The following LHFPL4 variants were observed in gnomAD, a reference collection of about 807,000 sequenced individuals.
LHFPL4 encodes LHFPL tetraspan subfamily member 4 protein.
In LHFPL4, 6 loss-of-function variants were observed where a neutral mutation model predicts 20.0. The observed-to-expected ratio is 0.30, with a 90% confidence interval of 0.16 to 0.59. The LOEUF is 0.59. LHFPL4 is among the 20% of genes least tolerant of loss of function. LHFPL4 has a pLI of 0.88. For synonymous variants in LHFPL4, 129 were observed against 143.8 expected (o/e 0.90, Z 0.74); for missense variants, 215 against 331.2 (o/e 0.65, Z 2.72).
At chr3:9,529,500 A>T (rs1160294005) in intron 2 of LHFPL4, among the ~76,000 whole-genome samples, 2 of 152,348 alleles carry the variant, frequency 1.3e-5, no homozygotes, top group Non-Finnish European at 2.9e-5. Context: ...TCCTTGACTC[A>T]TGGGCTACAG....
intron 2 of LHFPL4, among the ~76,000 whole-genome samples, chr3:9,544,812 T>C (rs927039378): frequency 6.6e-6 from 1 of 152,184 alleles, no homozygotes; most frequent in Non-Finnish European, 1.5e-5. Context: ...CCTGTTCCTC[T>C]TTCCTACCCA....
chr3:9,542,593 G>A (rs960935034), intron 2 of LHFPL4, among the ~76,000 whole-genome samples: 1 of 152,034 alleles, frequency 6.6e-6, no homozygotes, highest in South Asian at 2.1e-4. Flanking sequence ...GATTGCTTGA[G>A]TTCAAGAGTT....
In LHFPL4 at chr3:9,506,156, C is replaced by T; in HGVS notation, c.454G>A (p.Ala152Thr). 6.2e-7 allele frequency: 1 copy of T among 1,614,188 alleles called. No homozygotes were observed. Among genetic ancestry groups the T allele is most frequent in the Non-Finnish European group, 8.5e-7 (1 of 1,180,046 alleles). The change falls in exon 3 of 4, where the codon GCC becomes ACC. Residue 152 changes from alanine to threonine, a missense_variant. Physicochemically the swap from Ala to Thr is moderately conservative, Grantham distance 58 (BLOSUM62 0). Coordinates refer to ENST00000287585, the MANE Select transcript of LHFPL4 (RefSeq NM_198560.3). The surrounding 1 kb of genome is among the most constrained non-coding windows in gnomAD (Gnocchi z 4.5). The stretch of plus-strand genomic sequence containing the variant: ...CCACACATGTCCCGGATGGTCTCGG[C>T]ATCCCAGCCATCAGGAAAGATCATG... ...GCMIFPDGWD[A>T]ETIRDMCGAK...
chr3:9,509,669 C>A (rs2046244388), intron 2 of LHFPL4, among the ~76,000 whole-genome samples: 1 of 152,218 alleles, frequency 6.6e-6, no homozygotes, highest in Non-Finnish European at 1.5e-5. Flanking sequence ...GGGGCACTCA[C>A]GCTGCAGGGT....
chr3:9,504,789 C>T (rs1288473768), intron 3 of LHFPL4, among the ~76,000 whole-genome samples: 3 of 149,144 alleles, frequency 2.0e-5, no homozygotes, highest in Admixed American at 6.7e-5. Flanking sequence ...CGCGCCACTG[C>T]ACTCCAGCCT....
intron 2 of LHFPL4, among the ~76,000 whole-genome samples, chr3:9,510,384 C>T (rs1377807588): frequency 1.3e-5 from 2 of 149,508 alleles, no homozygotes; most frequent in African/African-American, 2.5e-5. Context: ...CTGCTGTGAG[C>T]CAAAATTGCA....
chr3:9,533,165 G>A (rs2046421394), intron 2 of LHFPL4, among the ~76,000 whole-genome samples: 1 of 152,160 alleles, frequency 6.6e-6, no homozygotes, highest in African/African-American at 2.4e-5. Flanking sequence ...CATCTGCTGG[G>A]GCTGAACCCA....
intron 3 of LHFPL4, among the ~76,000 whole-genome samples, chr3:9,505,046 A>G (rs540902192): frequency 6.6e-6 from 1 of 151,946 alleles, no homozygotes; most frequent in East Asian, 1.9e-4. Context: ...TGATGTGAAC[A>G]TGTCACGTGT....
chr3:9,549,351 C>T (rs956656400), intron 2 of LHFPL4, among the ~76,000 whole-genome samples: 10 of 152,132 alleles, frequency 6.6e-5, no homozygotes, highest in African/African-American at 2.4e-4. Flanking sequence ...TGTATTTTCC[C>T]AATGCCCCCA....
At chr3:9,548,847 C>T (rs988841958) in intron 2 of LHFPL4, among the ~76,000 whole-genome samples, 2 of 152,102 alleles carry the variant, frequency 1.3e-5, no homozygotes, top group African/African-American at 4.8e-5. Context: ...CTGGCTCAGC[C>T]CTGGAACGTT....
intron 3 of LHFPL4, among the ~76,000 whole-genome samples, chr3:9,504,332 C>T (rs1402873461): frequency 1.3e-5 from 2 of 149,414 alleles, no homozygotes; most frequent in Non-Finnish European, 3.0e-5. Flanking sequence ...GAGCCGAGAC[C>T]GTGCCACTGC....
intron 2 of LHFPL4, among the ~76,000 whole-genome samples, chr3:9,524,603 C>T (rs999710169): frequency 3.9e-5 from 6 of 152,110 alleles, no homozygotes; most frequent in African/African-American, 1.4e-4. Context: ...ATTTTTGGTC[C>T]TCTCTTAGTA....
At chr3:9,530,205 A>T (rs1376720228) in intron 2 of LHFPL4, among the ~76,000 whole-genome samples, 2 of 152,114 alleles carry the variant, frequency 1.3e-5, no homozygotes, top group Non-Finnish European at 2.9e-5. Context: ...TCTCCTCTCT[A>T]GCTATAAAAG....
intron 2 of LHFPL4, among the ~76,000 whole-genome samples, chr3:9,513,117 T>A (rs1046033806): frequency 2.0e-5 from 3 of 151,676 alleles, no homozygotes; most frequent in Non-Finnish European, 2.9e-5. Flanking sequence ...CCGCCACTAC[T>A]CCCGGCTAAT....
At chr3:9,522,435 A>G (rs2046344131) in intron 2 of LHFPL4, among the ~76,000 whole-genome samples, 2 of 152,080 alleles carry the variant, frequency 1.3e-5, no homozygotes, top group Non-Finnish European at 2.9e-5. Flanking sequence ...CTGTTAGATC[A>G]ATTATGCATA....
At chr3:9,541,308 A>G (rs114903461) in intron 2 of LHFPL4, among the ~76,000 whole-genome samples, 6,541 of 152,336 alleles carry the variant, frequency 0.043, 179 homozygotes, top group Non-Finnish European at 0.061. Flanking sequence ...ATGGAATAGA[A>G]TTGAGAGTCT....
At chr3:9,549,738 G>A (rs2648393) in intron 2 of LHFPL4, among the ~76,000 whole-genome samples, 1 of 151,856 alleles carries the variant, frequency 6.6e-6, no homozygotes, top group African/African-American at 2.4e-5. Context: ...AATCATATGA[G>A]AGGCACTTTA....
Position 9,502,095 on chromosome 3 carries a change from G to A in LHFPL4, c.*116C>T, listed in dbSNP as rs1165164954. The A allele has an allele frequency of 1.2e-5, 9 of 753,544 alleles. No homozygotes were observed. Among genetic ancestry groups the A allele is most frequent in the South Asian group, 9.6e-5 (6 of 62,702 alleles). 46.7% of individuals were successfully genotyped at this position (753,544 alleles called of 1,614,324 possible). A position where few individuals can be genotyped will look rare whatever the true frequency, so the allele number is the denominator to read the frequency against. Reference sequence around the variant, plus strand: ...AAAGCCTGGAGCTTGCAGGGTAGTCGGTGAGAAGTAAGTCTGAGATCAGGG... The same window carrying A: ...AAAGCCTGGAGCTTGCAGGGTAGTCAGTGAGAAGTAAGTCTGAGATCAGGG... On this transcript the variant is annotated 3_prime_UTR_variant, in exon 4 of 4. Transcript: ENST00000287585.
At chr3:9,550,050 C>T (rs1240309237) in intron 2 of LHFPL4, among the ~76,000 whole-genome samples, 1 of 152,018 alleles carries the variant, frequency 6.6e-6, no homozygotes, top group African/African-American at 2.4e-5. Context: ...CTTTAAATCA[C>T]CTTATCTACC....
Sources: allele counts gnomAD v4.1 joint callset (sites outside exome capture counted in the v4.1 genomes callset), GRCh38; gene constraint gnomAD v4.1.1; non-coding constraint Gnocchi (gnomAD v3.1); transcripts MANE v1.5; gene names NCBI Gene and HGNC (gene_info 2026-07-23, HGNC 2026-07-21).